GRIK2: variants seen among roughly 807,000 people sequenced by gnomAD.
The protein encoded by GRIK2 is glutamate ionotropic receptor kainate type subunit 2.
GRIK2 carries 32 observed loss-of-function variants against 100.3 expected under a neutral mutation model. The observed-to-expected ratio is 0.32, with a 90% CI of 0.24 to 0.43. The LOEUF (loss-of-function observed/expected upper bound fraction) is 0.43, where lower values mean the gene tolerates loss of function less well. Ranked by LOEUF, GRIK2 falls within the 20% of genes least tolerant of loss-of-function variation. The pLI, the probability that GRIK2 is intolerant of heterozygous loss-of-function variation, is 1.00. For missense variants in GRIK2, 843 were observed against 1,114.9 expected, an observed-to-expected ratio of 0.76 and a Z score of 3.47; for synonymous variants, 417 against 389.4, an observed-to-expected ratio of 1.07 and a Z score of -0.83.
At chr6:101,606,127 A>T (rs1779427539) in intron 2 of GRIK2, among the ~76,000 whole-genome samples, 1 of 151,986 alleles carries the variant, frequency 6.6e-6, no homozygotes, top group Non-Finnish European at 1.5e-5. Context: ...TGGATGACTC[A>T]GCTAAGTCAT....
At chr6:101,865,084 A>G (rs1784967076) in intron 11 of GRIK2, among the ~76,000 whole-genome samples, 1 of 152,194 alleles carries the variant, frequency 6.6e-6, no homozygotes, top group Non-Finnish European at 1.5e-5. Flanking sequence ...TTCAATTGTG[A>G]AATTTGAGAA....
At chr6:101,726,569 A>C (rs1412441274) in intron 7 of GRIK2, among the ~76,000 whole-genome samples, 1 of 151,998 alleles carries the variant, frequency 6.6e-6, no homozygotes. Context: ...CGATGATTAG[A>C]GTACCTACAC....
chr6:101,906,885 C>G (rs375505358), intron 12 of GRIK2, among the ~76,000 whole-genome samples: 1 of 151,736 alleles, frequency 6.6e-6, no homozygotes, highest in South Asian at 2.1e-4. Context: ...TTGTTGATTG[C>G]TATTTTTCCT....
chr6:101,897,498 G>T (rs971540633), intron 12 of GRIK2, among the ~76,000 whole-genome samples: 1 of 151,700 alleles, frequency 6.6e-6, no homozygotes, highest in African/African-American at 2.4e-5. Context: ...TGGAAAAATG[G>T]TGCCCTTGGT....
At position 101,457,539 on chromosome 6, in the gene GRIK2, G is replaced by T. The variant is rs1203479175; in HGVS notation, c.115+58147G>T. On this transcript the variant is annotated intron_variant, in intron 2 of 16. Transcript: ENST00000369134. ...TGATGGAATATTTAATTTTTTTCAT[G>T]GCTAAACCTGCTTTAATTATCATTT... Among the ~76,000 whole-genome samples the T allele has an allele frequency of 2.0e-5, 3 of 151,852 alleles. No individual in the cohort carries two copies. In the Middle Eastern group the frequency reaches 0.01, roughly 524 times the overall value.
chr6:101,777,819 A>G (rs1244648401), intron 7 of GRIK2, among the ~76,000 whole-genome samples: 1 of 152,148 alleles, frequency 6.6e-6, no homozygotes. Context: ...CACTTACTTA[A>G]TGGAAAGATA....
At chr6:101,928,028 C>A in intron 13 of GRIK2, 1 of 174,454 alleles carries the variant, frequency 5.7e-6, no homozygotes, top group Non-Finnish European at 1.2e-5. Flanking sequence ...TATATTTAAG[C>A]ACTTCCTCTG....
At chr6:101,472,784 A>C (rs78014006) in intron 2 of GRIK2, among the ~76,000 whole-genome samples, 11,049 of 151,784 alleles carry the variant, frequency 0.073, 590 homozygotes, top group Non-Finnish European at 0.1. Context: ...AAGTTCTTTG[A>C]TTGCTAATTT....
intron 2 of GRIK2, among the ~76,000 whole-genome samples, chr6:101,497,380 A>G (rs1437585300): frequency 6.6e-6 from 1 of 152,196 alleles, no homozygotes; most frequent in African/African-American, 2.4e-5. Context: ...CATGTGCTCA[A>G]TAAATATTTT....
At chr6:101,988,544 A>G (rs1794177169) in intron 14 of GRIK2, among the ~76,000 whole-genome samples, 1 of 151,796 alleles carries the variant, frequency 6.6e-6, no homozygotes, top group Non-Finnish European at 1.5e-5. Context: ...GACCTTGGAC[A>G]AGCTACTTAA....
At chr6:101,511,807 C>G (rs1337964280) in intron 2 of GRIK2, among the ~76,000 whole-genome samples, 1 of 151,802 alleles carries the variant, frequency 6.6e-6, no homozygotes, top group African/African-American at 2.4e-5. Flanking sequence ...AAATGATTAG[C>G]TTGGAAAATG....
At chr6:102,064,042 A>C (rs1771881426) in intron 16 of GRIK2, 6 of 1,386,594 alleles carry the variant, frequency 4.3e-6, no homozygotes, top group Admixed American at 1.7e-5. Flanking sequence ...AGAGGTTTTT[A>C]ATAATGGTTA....
At chr6:101,877,135 G>T (rs1021753328) in intron 11 of GRIK2, among the ~76,000 whole-genome samples, 1 of 151,044 alleles carries the variant, frequency 6.6e-6, no homozygotes, top group Admixed American at 6.6e-5. Context: ...AAACACAGAC[G>T]AACACACACA....
chr6:101,433,695 T>G (rs1015080367), intron 2 of GRIK2, among the ~76,000 whole-genome samples: 1 of 152,160 alleles, frequency 6.6e-6, no homozygotes, highest in East Asian at 1.9e-4. Flanking sequence ...GAGCAAGATA[T>G]ATTGCTTTGC....
chr6:101,876,938 CTTATG>C (rs942732419), intron 11 of GRIK2, among the ~76,000 whole-genome samples: 2 of 151,950 alleles, frequency 1.3e-5, no homozygotes, highest in African/African-American at 4.8e-5. Context: ...ACATAAGCTT[CTTATG>C]TTATGGTTTG....
At chr6:102,030,539 C>T (rs2114404735) in intron 14 of GRIK2, among the ~76,000 whole-genome samples, 1 of 151,276 alleles carries the variant, frequency 6.6e-6, no homozygotes, top group African/African-American at 2.4e-5. Context: ...AACCAAGAAA[C>T]TCTCTGTTGC....
At chr6:101,927,153 T>TTTTG (rs1789956023) in intron 13 of GRIK2, 1 of 152,458 alleles carries the variant, frequency 6.6e-6, no homozygotes, top group Non-Finnish European at 1.5e-5. Flanking sequence ...GCTTTTAAAA[T>TTTTG]TTTGTTTGTT....
chr6:101,924,560 C>T (rs780267075), intron 12 of GRIK2, 41 bp from the exon 13 acceptor site: 1 of 1,025,788 alleles, frequency 9.7e-7, no homozygotes, highest in South Asian at 1.3e-5. Flanking sequence ...TTTCTTCCCA[C>T]TGCAATTTAA....
chr6:101,643,371 A>G (rs1196360865), intron 4 of GRIK2, among the ~76,000 whole-genome samples: 2 of 151,000 alleles, frequency 1.3e-5, no homozygotes, highest in Non-Finnish European at 3.0e-5. Flanking sequence ...TAGGTTTTTT[A>G]TGTTTTTTGA....
Sources: gnomAD v4.1 joint callset for allele counts (sites outside exome capture counted in the v4.1 genomes callset) on GRCh38, gnomAD v4.1.1 for gene constraint, MANE v1.5 for transcripts, NCBI Gene and HGNC (gene_info 2026-07-23, HGNC 2026-07-21) for gene names.